The following PTPN13 variants were observed in gnomAD, a reference collection of about 807,000 sequenced individuals.
PTPN13 encodes tyrosine-protein phosphatase non-receptor type 13.
In PTPN13, 191 loss-of-function variants were observed where a neutral mutation model predicts 284.0. That is an observed-to-expected ratio of 0.67 (90% confidence interval 0.60 to 0.76). The LOEUF is 0.76. Among genes scored for constraint, PTPN13 ranks in the 30% least tolerant of loss-of-function variants. The pLI, the probability that PTPN13 is intolerant of heterozygous loss-of-function variation, is 0.00. For synonymous variants in PTPN13, 986 were observed against 1,022.3 expected, an observed-to-expected ratio of 0.96 and a Z score of 0.68; for missense variants, 2,797 against 2,939.9, an observed-to-expected ratio of 0.95 and a Z score of 1.12.
chr4:86,724,974 C>T (rs1350870020), intron 10 of PTPN13, among the ~76,000 whole-genome samples: 2 of 150,402 alleles, frequency 1.3e-5, no homozygotes, highest in African/African-American at 2.5e-5. Flanking sequence ...CCCAGCCCCC[C>T]ACCCCCCAAC....
chr4:86,774,485 CAGCCAAAAGTGATGGA>C lies in PTPN13; in HGVS notation c.5465_5480del (p.Ala1822GlyfsTer2). On this transcript the variant is annotated frameshift_variant, in exon 33 of 48. Coordinates refer to ENST00000411767, the MANE Select transcript of PTPN13 (RefSeq NM_080683.3). LOFTEE classifies it high-confidence loss of function. ...TATGTTCATGATGTCATACAGGATCCAGCCAAAAGTGATGGAAGGCTAAAACCTGGGGACCGGCTCA... is the reference window on the plus strand; with the variant it reads ...TATGTTCATGATGTCATACAGGATCCAGGCTAAAACCTGGGGACCGGCTCA... 1 of 1,604,906 alleles carries C rather than the reference CAGCCAAAAGTGATGGA, an allele frequency of 6.2e-7. No homozygotes were observed. Among genetic ancestry groups the C allele is most frequent in the Non-Finnish European group, 8.5e-7 (1 of 1,175,432 alleles).
At chr4:86,635,425 A>G in intron 2 of PTPN13, 54 bp downstream of exon 2, 1 of 1,547,044 alleles carries the variant, frequency 6.5e-7, no homozygotes, top group Non-Finnish European at 8.7e-7. Context: ...TTGGGTACTT[A>G]AAAAACAGAT....
chr4:86,672,787 T>A (rs1254376074), intron 3 of PTPN13, among the ~76,000 whole-genome samples: 2 of 152,200 alleles, frequency 1.3e-5, no homozygotes, highest in African/African-American at 2.4e-5. Context: ...ATTAAATACC[T>A]GCTTTGTATA....
intron 1 of PTPN13, among the ~76,000 whole-genome samples, chr4:86,628,362 G>A (rs534459700): frequency 2.0e-5 from 3 of 151,850 alleles, no homozygotes; most frequent in South Asian, 2.1e-4. Flanking sequence ...TTTGCCAGCC[G>A]TATATCTTCT....
At chr4:86,767,124 G>T (rs1489125874) in intron 27 of PTPN13, among the ~76,000 whole-genome samples, 1 of 151,988 alleles carries the variant, frequency 6.6e-6, no homozygotes. Flanking sequence ...GGGGCGGGGG[G>T]TCTCCCTATG....
At chr4:86,741,506 C>G (rs1736165969) in intron 15 of PTPN13, 128 bp from the exon 16 acceptor site, 1 of 792,686 alleles carries the variant, frequency 1.3e-6, no homozygotes, top group African/African-American at 1.7e-5. Flanking sequence ...GTGGGTCTCT[C>G]CCATAACATG....
chr4:86,735,480 G>A, intron 14 of PTPN13, 114 bp from the exon 15 acceptor site: 9 of 1,064,784 alleles, frequency 8.5e-6, no homozygotes, highest in Non-Finnish European at 1.2e-5. Context: ...AGAGAGAGAG[G>A]TAGAAATAGA....
intron 38 of PTPN13, among the ~76,000 whole-genome samples, chr4:86,784,978 G>A (rs929898546): frequency 2.6e-5 from 4 of 152,008 alleles, no homozygotes; most frequent in Non-Finnish European, 5.9e-5. Flanking sequence ...GTGAAAAGCC[G>A]TATCACCAAC....
intron 32 of PTPN13, among the ~76,000 whole-genome samples, chr4:86,773,976 A>G (rs1038342035): frequency 3.3e-5 from 5 of 152,086 alleles, no homozygotes; most frequent in East Asian, 1.9e-4. Flanking sequence ...TTAGAAATAT[A>G]TGGCTCTTTG....
Position 86,782,208 on chromosome 4 carries a change from C to T in PTPN13, c.5970C>T (p.Tyr1990=), listed in dbSNP as rs1741399802. 3.1e-6 allele frequency: 5 copies of T among 1,605,156 alleles called. No individual in the cohort carries two copies. The South Asian group carries it at 5.5e-5, about 18-fold the overall frequency. The change falls in exon 37 of 48, where the codon TAC becomes TAT. Residue 1990 remains tyrosine (Y), a synonymous_variant. Coordinates refer to ENST00000411767, the MANE Select transcript of PTPN13 (RefSeq NM_080683.3). The stretch of plus-strand genomic sequence containing the variant: ...CCTATATTGTCCTTTCAGGTTCCTA[C>T]AGTGTGGGGTCTTGCAGCCAGCCTG... ...APKSTKGNGS[Y]SVGSCSQPAL...
At chr4:86,747,533 TAGCAGCAGCAGCAGCGGCAGCAGCAGC>T (rs1350043549) in intron 17 of PTPN13, among the ~76,000 whole-genome samples, 8 of 151,542 alleles carry the variant, frequency 5.3e-5, no homozygotes, top group African/African-American at 1.7e-4. Context: ...GCGGTAATAG[TAGCAGCAGCAGCAGCGGCAGCAGCAGC>T]AGCAGCAGCA....
At chr4:86,745,986 G>C (rs549791961) in intron 17 of PTPN13, among the ~76,000 whole-genome samples, 11 of 152,176 alleles carry the variant, frequency 7.2e-5, no homozygotes, top group African/African-American at 2.4e-4. Flanking sequence ...AGAGGATGGG[G>C]GAAGTATGCA....
chr4:86,732,595 A>G lies in PTPN13; in HGVS notation c.1687A>G (p.Lys563Glu), dbSNP rs1279260993. The G allele has an allele frequency of 6.2e-7, 1 of 1,611,934 alleles. No individual in the cohort carries two copies. Among genetic ancestry groups the G allele is most frequent in the African/African-American group, 1.3e-5 (1 of 74,980 alleles). The change falls in exon 12 of 48, where the codon AAG (lysine) becomes GAG (glutamate). Residue 563 changes from lysine (K) to glutamate (E), a missense_variant. Physicochemically the swap from Lys to Glu is moderately conservative, Grantham distance 56 (BLOSUM62 1). Coordinates refer to ENST00000411767, the MANE Select transcript of PTPN13 (RefSeq NM_080683.3). Reference protein sequence around the residue: ...SLDLPRSILTKKGKNEDNRRK... With the variant: ...SLDLPRSILTEKGKNEDNRRK... Reference sequence around the variant, plus strand: ...CCGTTTATTTTTTCAATTGTAGACTAAGAAAGGGAAGAATGAGGATAACCG... The same window carrying G: ...CCGTTTATTTTTTCAATTGTAGACTGAGAAAGGGAAGAATGAGGATAACCG...
intron 6 of PTPN13, among the ~76,000 whole-genome samples, chr4:86,694,052 A>G (rs1730327595): frequency 6.6e-6 from 1 of 151,920 alleles, no homozygotes; most frequent in Non-Finnish European, 1.5e-5. Context: ...AAAGTTTCAG[A>G]AAACGTTTTT....
chr4:86,808,271 A>C (rs774638654), intron 45 of PTPN13, among the ~76,000 whole-genome samples: 3 of 152,258 alleles, frequency 2.0e-5, no homozygotes. Flanking sequence ...ATCTTTAAGT[A>C]GAAAATATTC....
intron 1 of PTPN13, among the ~76,000 whole-genome samples, chr4:86,615,853 C>T (rs893891978): frequency 2.0e-5 from 3 of 152,174 alleles, no homozygotes; most frequent in South Asian, 2.1e-4. Context: ...ATATCTCCTA[C>T]TCTCTTCCCC....
intron 1 of PTPN13, among the ~76,000 whole-genome samples, chr4:86,602,307 C>G (rs1278905743): frequency 6.6e-6 from 1 of 152,086 alleles, no homozygotes; most frequent in Non-Finnish European, 1.5e-5. Context: ...CCTTGCTGTA[C>G]TTTATTTTCC....
intron 17 of PTPN13, among the ~76,000 whole-genome samples, chr4:86,745,755 G>A (rs113294966): frequency 0.021 from 3,190 of 151,768 alleles, 110 homozygotes; most frequent in African/African-American, 0.073. Context: ...CAACCTGGGC[G>A]ACAGTGCGAG....
At chr4:86,789,518 A>G (rs966606857) in intron 40 of PTPN13, among the ~76,000 whole-genome samples, 1 of 152,166 alleles carries the variant, frequency 6.6e-6, no homozygotes, top group Admixed American at 6.5e-5. Flanking sequence ...TTAACAAGAG[A>G]TACCTTATTT....
Sources: allele counts gnomAD v4.1 joint callset (sites outside exome capture counted in the v4.1 genomes callset), GRCh38; gene constraint gnomAD v4.1.1; transcripts MANE v1.5; gene names NCBI Gene and HGNC (gene_info 2026-07-23, HGNC 2026-07-21).